PDE1C: variants seen among roughly 807,000 people sequenced by gnomAD.
PDE1C encodes dual specificity calcium/calmodulin-dependent 3',5'-cyclic nucleotide phosphodiesterase 1C.
Under a neutral mutation model 93.1 loss-of-function variants are expected in PDE1C, and 62 were observed. The observed-to-expected ratio is 0.67, with a 90% CI of 0.54 to 0.82. PDE1C has a LOEUF of 0.82. Among genes scored for constraint, PDE1C ranks in the 40% least tolerant of loss-of-function variants. PDE1C has a pLI of 0.00. For missense variants in PDE1C, 742 were observed against 884.6 expected (o/e 0.84, Z 2.04); for synonymous variants, 325 against 310.1 (o/e 1.05, Z -0.50).
chr7:32,192,934 T>G (rs1804339214), intron 2 of PDE1C, among the ~76,000 whole-genome samples: 1 of 152,166 alleles, frequency 6.6e-6, no homozygotes. Context: ...TATTTCACCT[T>G]GTTATATGTT....
In PDE1C at chr7:32,204,732, G is replaced by T. The variant is rs1485711524; in HGVS notation, c.136+4757C>A. 3.3e-5 allele frequency among the ~76,000 whole-genome samples: 5 copies of T among 152,214 alleles called. No homozygotes were observed. The East Asian group carries it at 7.7e-4, about 24-fold the overall frequency. On this transcript the variant is annotated intron_variant, in intron 2 of 18. Coordinates refer to the PDE1C transcript ENST00000396193. ...CTTTTTTACCTATTATCCCCATTCA[G>T]ACCCTCAAGCCTCAGCTAATGCTCA...
chr7:31,704,859 G>C, the PDE1C span, among the ~76,000 whole-genome samples: 4 of 152,236 alleles, frequency 2.6e-5, no homozygotes, highest in South Asian at 6.2e-4. Flanking sequence ...CTGAAAGCAT[G>C]AGGGTCAGAA....
intron 7 of PDE1C, among the ~76,000 whole-genome samples, chr7:31,859,576 G>A (rs1453262665): frequency 1.3e-5 from 2 of 151,760 alleles, no homozygotes; most frequent in East Asian, 3.9e-4. Context: ...TGGTCTCATA[G>A]AGAAGTAATT....
chr7:32,318,048 A>C (rs1783211006), intron 1 of PDE1C, among the ~76,000 whole-genome samples: 1 of 152,214 alleles, frequency 6.6e-6, no homozygotes. Context: ...TGGTGCCAGC[A>C]CCAGACTGCC....
chr7:31,677,899 G>GA, the PDE1C span, among the ~76,000 whole-genome samples: 906 of 152,042 alleles, frequency 6.0e-3, 5 homozygotes, highest in South Asian at 0.021. Flanking sequence ...AGAATCAATG[G>GA]AAAAAATGCT....
intron 16 of PDE1C, among the ~76,000 whole-genome samples, chr7:31,800,452 A>G (rs1439002705): frequency 6.6e-6 from 1 of 151,570 alleles, no homozygotes; most frequent in African/African-American, 2.4e-5. Context: ...CTTATTTTGC[A>G]TATGACATTT....
chr7:32,362,759 C>A (rs1784158991), intron 1 of PDE1C, among the ~76,000 whole-genome samples: 2 of 152,176 alleles, frequency 1.3e-5, no homozygotes, highest in South Asian at 4.1e-4. Flanking sequence ...CAGAAGCAGC[C>A]CACGATGCCT....
At chr7:32,407,210 G>A (rs1785071966) in intron 1 of PDE1C, among the ~76,000 whole-genome samples, 1 of 152,146 alleles carries the variant, frequency 6.6e-6, no homozygotes, top group Non-Finnish European at 1.5e-5. Context: ...GGGAAGCAGA[G>A]GTTGCAGTGA....
At chr7:31,967,208 G>A (rs549538191) in intron 2 of PDE1C, among the ~76,000 whole-genome samples, 10 of 152,192 alleles carry the variant, frequency 6.6e-5, no homozygotes, top group South Asian at 2.1e-4. Flanking sequence ...TTGATAGACC[G>A]CTAGCAAGAC....
At chr7:32,288,282 G>A (rs1276263899) in intron 1 of PDE1C, among the ~76,000 whole-genome samples, 2 of 152,140 alleles carry the variant, frequency 1.3e-5, no homozygotes, top group African/African-American at 4.8e-5. Flanking sequence ...GGAATTGGTA[G>A]CATCAAATGA....
the PDE1C span, among the ~76,000 whole-genome samples, chr7:31,709,375 TA>T: frequency 6.6e-6 from 1 of 152,176 alleles, no homozygotes; most frequent in Non-Finnish European, 1.5e-5. Context: ...ATTTGAGAAT[TA>T]AGTAAGATAA....
chr7:32,402,276 T>C (rs911089168), intron 1 of PDE1C, among the ~76,000 whole-genome samples: 7 of 152,158 alleles, frequency 4.6e-5, no homozygotes, highest in Admixed American at 6.5e-5. Context: ...TATGAGGCAC[T>C]AGCTCATACA....
intron 16 of PDE1C, among the ~76,000 whole-genome samples, chr7:31,804,110 T>G (rs1029241785): frequency 6.6e-6 from 1 of 151,836 alleles, no homozygotes; most frequent in Non-Finnish European, 1.5e-5. Context: ...CCTTGTTGGG[T>G]GCTGGATATT....
At chr7:32,183,179 T>C (rs973286478) in intron 2 of PDE1C, among the ~76,000 whole-genome samples, 2 of 152,206 alleles carry the variant, frequency 1.3e-5, no homozygotes, top group African/African-American at 4.8e-5. Context: ...GAACATTCCA[T>C]GCTCATGGAT....
chr7:31,898,316 T>A (rs73306587), intron 2 of PDE1C, among the ~76,000 whole-genome samples: 39 of 152,232 alleles, frequency 2.6e-4, no homozygotes, highest in African/African-American at 8.7e-4. Flanking sequence ...GGATTACAAC[T>A]ATTAACATAA....
chr7:32,114,975 C>T (rs760457447), intron 3 of PDE1C, among the ~76,000 whole-genome samples: 7 of 151,942 alleles, frequency 4.6e-5, no homozygotes, highest in South Asian at 4.2e-4. Flanking sequence ...TAGATGCTGG[C>T]GAGGCTATGG....
chr7:32,196,685 T>G (rs1804645220), intron 2 of PDE1C, among the ~76,000 whole-genome samples: 1 of 152,228 alleles, frequency 6.6e-6, no homozygotes, highest in African/African-American at 2.4e-5. Flanking sequence ...AGATTTATCT[T>G]TTAAAAGATT....
intron 1 of PDE1C, among the ~76,000 whole-genome samples, chr7:32,423,234 G>A (rs1456387953): frequency 6.6e-6 from 1 of 152,090 alleles, no homozygotes; most frequent in East Asian, 1.9e-4. Context: ...AAAATTAGCT[G>A]GGCATGGTGG....
chr7:31,837,867 T>TA lies in PDE1C; in HGVS notation c.1082+2dup, dbSNP rs1456931944. 2 of 1,606,038 alleles carry TA rather than the reference T, an allele frequency of 1.2e-6. No homozygotes were observed. Among genetic ancestry groups the TA allele is most frequent in the African/African-American group, 1.3e-5 (1 of 74,778 alleles). On this transcript the variant is annotated splice_region_variant and intron_variant, in intron 10 of 17. Coordinates refer to ENST00000396191, the MANE Select transcript of PDE1C (RefSeq NM_001191057.4). ...CAAAAACACAAGCCACAAGCACACT[T>TA]ACGCTTCTGGCTGCTGCAGAGCAGT...
Sources: gnomAD v4.1 joint callset for allele counts (sites outside exome capture counted in the v4.1 genomes callset) on GRCh38, gnomAD v4.1.1 for gene constraint, MANE v1.5 for transcripts, NCBI Gene and HGNC (gene_info 2026-07-23, HGNC 2026-07-21) for gene names.